The following TOMM20 variants were observed in gnomAD, a reference collection of about 807,000 sequenced individuals.
TOMM20 encodes mitochondrial import receptor subunit TOM20 homolog.
TOMM20 carries 10 observed loss-of-function variants against 22.1 expected under a neutral mutation model. The ratio of observed to expected loss-of-function variants is 0.45; its 90% CI spans 0.28 to 0.77. The LOEUF is 0.77. TOMM20 is among the 30% of genes least tolerant of loss of function. The pLI, the probability that TOMM20 is intolerant of heterozygous loss-of-function variation, is 0.13. For synonymous variants in TOMM20, 55 were observed against 61.4 expected (o/e 0.90, Z 0.49); for missense variants, 121 against 172.2 (o/e 0.70, Z 1.66).
rs558397088 is a variant in TOMM20, at chr1:235,111,121, G to A, written c.*943C>T. ...GTAGTGACAGAACCATATAATTTCA[G>A]TGAAAATCAAGATAGTTATACCATT... On this transcript the variant is annotated 3_prime_UTR_variant, in exon 5 of 5. Transcript: ENST00000366607. 2.0e-5 allele frequency: 3 copies of A among 152,098 alleles called. No homozygotes were observed. The highest frequency in any genetic ancestry group is 2.9e-5 in the Non-Finnish European group (2 of 68,032). The allele number at this position is 152,098 out of a possible 1,614,324, so 9.4% of individuals were successfully genotyped here.
In TOMM20 at chr1:235,113,086, C is replaced by T. The variant is rs781042494; in HGVS notation, c.393+682G>A. Among the ~76,000 whole-genome samples, 86 of 152,262 alleles carry T rather than the reference C, an allele frequency of 5.6e-4. 1 individual carries two copies. Among genetic ancestry groups the T allele is most frequent in the Non-Finnish European group, 3.2e-4 (22 of 68,020 alleles). ...ATCATCATTCACTGTTTTAATCACACCAACTTGGGAAATCAACACTTGTAA... is the reference window on the plus strand; with the variant it reads ...ATCATCATTCACTGTTTTAATCACATCAACTTGGGAAATCAACACTTGTAA... On this transcript the variant is annotated intron_variant, in intron 4 of 4. Coordinates refer to ENST00000366607, the MANE Select transcript of TOMM20 (RefSeq NM_014765.3).
chr1:235,113,668 A>C (rs1572126164), intron 4 of TOMM20, 100 bp downstream of exon 4: 2 of 1,416,936 alleles, frequency 1.4e-6, no homozygotes, highest in East Asian at 4.7e-5. Flanking sequence ...TATACAGATA[A>C]GTTTATTTCA....
chr1:235,120,426 A>G (rs1660911262), intron 2 of TOMM20, among the ~76,000 whole-genome samples: 1 of 151,658 alleles, frequency 6.6e-6, no homozygotes, highest in Admixed American at 6.6e-5. Context: ...CACCATGCCC[A>G]GCTAATTTTT....
At chr1:235,113,218 T>G (rs1660769079) in intron 4 of TOMM20, among the ~76,000 whole-genome samples, 1 of 152,206 alleles carries the variant, frequency 6.6e-6, no homozygotes, top group Admixed American at 6.5e-5. Context: ...AAGTTAATCT[T>G]TTACAGTATA....
chr1:235,118,595 C>T (rs945372314), intron 3 of TOMM20, among the ~76,000 whole-genome samples: 6 of 152,228 alleles, frequency 3.9e-5, no homozygotes, highest in African/African-American at 1.4e-4. Context: ...GGCACCATCA[C>T]AGCTCACTAG....
At chr1:235,113,330 C>A (rs973112178) in intron 4 of TOMM20, among the ~76,000 whole-genome samples, 2 of 152,192 alleles carry the variant, frequency 1.3e-5, no homozygotes, top group Non-Finnish European at 2.9e-5. Flanking sequence ...AGCCTTTACA[C>A]AAGTGAGTCA....
intron 3 of TOMM20, among the ~76,000 whole-genome samples, chr1:235,115,201 C>CA (rs1446464506): frequency 6.6e-6 from 1 of 152,090 alleles, no homozygotes; most frequent in African/African-American, 2.4e-5. Context: ...AATCAAACTC[C>CA]AAAAACTGTC....
intron 3 of TOMM20, among the ~76,000 whole-genome samples, chr1:235,115,387 T>C (rs570952067): frequency 1.3e-5 from 2 of 152,238 alleles, no homozygotes; most frequent in African/African-American, 4.8e-5. Context: ...CCTAGCACTT[T>C]GGGAGGCCAA....
At position 235,122,314 on chromosome 1, in the gene TOMM20, C is replaced by A; in HGVS notation, c.168+12G>T. On this transcript the variant is annotated intron_variant, in intron 2 of 4. Transcript: ENST00000366607. Reference sequence around the variant, plus strand: ...ACAAAATATATAATTTAAACAGAAACCAGACTATTACCTTGGAAAGCCCAG... The same window carrying A: ...ACAAAATATATAATTTAAACAGAAAACAGACTATTACCTTGGAAAGCCCAG... The A allele has an allele frequency of 6.7e-7, 1 of 1,499,826 alleles. No homozygotes were observed. The highest frequency in any genetic ancestry group is 8.9e-7 in the Non-Finnish European group (1 of 1,126,214). 92.9% of individuals were successfully genotyped at this position (1,499,826 alleles called of 1,614,324 possible).
intron 1 of TOMM20, among the ~76,000 whole-genome samples, chr1:235,123,509 G>A (rs917463735): frequency 6.6e-6 from 1 of 152,114 alleles, no homozygotes; most frequent in Non-Finnish European, 1.5e-5. Flanking sequence ...CCTACCTGTA[G>A]ACAGAAGGTT....
chr1:235,115,398 G>A (rs1164308489), intron 3 of TOMM20, among the ~76,000 whole-genome samples: 2 of 152,124 alleles, frequency 1.3e-5, no homozygotes, highest in South Asian at 2.1e-4. Context: ...GGGAGGCCAA[G>A]GTGGGTGGAT....
intron 3 of TOMM20, among the ~76,000 whole-genome samples, chr1:235,114,715 G>A (rs778409444): frequency 3.3e-5 from 5 of 152,016 alleles, no homozygotes; most frequent in Non-Finnish European, 5.9e-5. Flanking sequence ...GGGATTACAG[G>A]TGTGAGCCAC....
intron 1 of TOMM20, among the ~76,000 whole-genome samples, chr1:235,127,283 T>C (rs888335783): frequency 6.6e-6 from 1 of 152,116 alleles, no homozygotes; most frequent in Non-Finnish European, 1.5e-5. Context: ...CAACAAGAGG[T>C]AGGTGGCATT....
intron 3 of TOMM20, among the ~76,000 whole-genome samples, chr1:235,114,270 AAAG>A (rs760131373): frequency 6.6e-6 from 1 of 152,192 alleles, no homozygotes; most frequent in Non-Finnish European, 1.5e-5. Flanking sequence ...ACTGGGGTAG[AAAG>A]AAGACCCAAT....
chr1:235,125,058 A>G (rs575964580), intron 1 of TOMM20, among the ~76,000 whole-genome samples: 28 of 152,340 alleles, frequency 1.8e-4, no homozygotes, highest in African/African-American at 6.3e-4. Context: ...GGCAAATTAC[A>G]TTTCATTTAC....
Position 235,110,762 on chromosome 1 carries a change from T to C in TOMM20, c.*1302A>G, listed in dbSNP as rs1285848220. The C allele has an allele frequency of 2.0e-5, 3 of 152,230 alleles. No homozygotes were observed. The highest frequency in any genetic ancestry group is 2.9e-5 in the Non-Finnish European group (2 of 68,036). The allele number at this position is 152,230 out of a possible 1,614,324, so 9.4% of individuals were successfully genotyped here. The stretch of plus-strand genomic sequence containing the variant: ...ATGCCTAGTACATAGGAAAAGTCTT[T>C]GGGATTTCTCCAGACTTTTAGACAG... On this transcript the variant is annotated 3_prime_UTR_variant, in exon 5 of 5. Transcript: ENST00000366607.
intron 3 of TOMM20, among the ~76,000 whole-genome samples, chr1:235,116,942 T>C (rs535267519): frequency 1.9e-4 from 28 of 150,386 alleles, no homozygotes; most frequent in South Asian, 8.4e-4. Flanking sequence ...GAGACCATCC[T>C]GGCTAACATG....
Position 235,122,321 on chromosome 1 carries a change from A to AT in TOMM20, c.168+4dup, listed in dbSNP as rs751622852. On this transcript the variant is annotated splice_donor_region_variant and intron_variant, in intron 2 of 4. Transcript: ENST00000366607. Reference sequence around the variant, plus strand: ...ATATAATTTAAACAGAAACCAGACTATTACCTTGGAAAGCCCAGCTCTCTC... The same window carrying AT: ...ATATAATTTAAACAGAAACCAGACTATTTACCTTGGAAAGCCCAGCTCTCTC... The AT allele has an allele frequency of 1.3e-6, 2 of 1,531,840 alleles. No homozygotes were observed. The highest frequency in any genetic ancestry group is 4.7e-5 in the East Asian group (2 of 42,566). 94.9% of individuals were successfully genotyped at this position (1,531,840 alleles called of 1,614,324 possible).
intron 3 of TOMM20, among the ~76,000 whole-genome samples, chr1:235,117,259 T>G (rs533105627): frequency 1.4e-5 from 2 of 145,406 alleles, no homozygotes; most frequent in Non-Finnish European, 3.0e-5. Flanking sequence ...GGAGTTTGAC[T>G]AGCCTGACCA....
Sources: allele counts gnomAD v4.1 joint callset (sites outside exome capture counted in the v4.1 genomes callset), GRCh38; gene constraint gnomAD v4.1.1; transcripts MANE v1.5; gene names NCBI Gene and HGNC (gene_info 2026-07-23, HGNC 2026-07-21).